GALNTL6: variants seen among roughly 807,000 people sequenced by gnomAD.
GALNTL6 encodes polypeptide N-acetylgalactosaminyltransferase-like 6.
Under a neutral mutation model 73.7 loss-of-function variants are expected in GALNTL6, and 46 were observed. That is an observed-to-expected ratio of 0.62 (90% CI 0.49 to 0.80). GALNTL6 has a LOEUF of 0.80. Among genes scored for constraint, GALNTL6 ranks in the 30% least tolerant of loss-of-function variants. GALNTL6 has a pLI of 0.00. For synonymous variants in GALNTL6, 259 were observed against 263.7 expected (o/e 0.98, Z 0.17); for missense variants, 604 against 755.0 (o/e 0.80, Z 2.34).
chr4:172,010,038 T>C (rs1397053652), intron 2 of GALNTL6, among the ~76,000 whole-genome samples: 1 of 152,144 alleles, frequency 6.6e-6, no homozygotes, highest in East Asian at 1.9e-4. Flanking sequence ...TTTAGGAGAC[T>C]CCGAGGACCA....
chr4:171,824,077 T>TTATATATATATATA (rs3080307), intron 2 of GALNTL6, among the ~76,000 whole-genome samples: 2,600 of 128,672 alleles, frequency 0.02, 68 homozygotes, highest in Non-Finnish European at 0.029. Flanking sequence ...CAAATCCATT[T>TTATATATATATATA]TATATATATA....
At chr4:172,861,386 C>T (rs997281223) in intron 7 of GALNTL6, among the ~76,000 whole-genome samples, 2 of 148,554 alleles carry the variant, frequency 1.3e-5, no homozygotes, top group Non-Finnish European at 3.0e-5. Flanking sequence ...CATTTCAAAG[C>T]ATCTACCCTG....
chr4:172,470,472 T>C (rs1733004660), intron 5 of GALNTL6, among the ~76,000 whole-genome samples: 1 of 152,106 alleles, frequency 6.6e-6, no homozygotes, highest in African/African-American at 2.4e-5. Context: ...ACAATTCTAC[T>C]CAAAAACAAA....
intron 8 of GALNTL6, among the ~76,000 whole-genome samples, chr4:172,896,733 T>C (rs1746352748): frequency 6.6e-6 from 1 of 152,168 alleles, no homozygotes; most frequent in Non-Finnish European, 1.5e-5. Context: ...GGGTCAAAGC[T>C]GATACTAGGC....
Position 172,323,091 on chromosome 4 carries a change from A to G in GALNTL6, c.386+11339A>G, listed in dbSNP as rs116567210. 3.9e-3 allele frequency among the ~76,000 whole-genome samples: 591 copies of G among 152,328 alleles called. 1 individual carries two copies. Among genetic ancestry groups the G allele is most frequent in the African/African-American group, 0.013 (551 of 41,588 alleles). On this transcript the variant is annotated intron_variant, in intron 4 of 12. Coordinates refer to ENST00000506823, the MANE Select transcript of GALNTL6 (RefSeq NM_001034845.3). ...CTGCAGGAACACAACAAATTATTTCATCCTTTAGTAAAGACATAAAATATC... is the reference window on the plus strand; with the variant it reads ...CTGCAGGAACACAACAAATTATTTCGTCCTTTAGTAAAGACATAAAATATC...
intron 5 of GALNTL6, among the ~76,000 whole-genome samples, chr4:172,350,675 G>A (rs1741910647): frequency 6.6e-6 from 1 of 152,002 alleles, no homozygotes; most frequent in African/African-American, 2.4e-5. Context: ...AGTAAATTTT[G>A]AAAGAAATAG....
chr4:172,103,011 G>T (rs761061605), intron 2 of GALNTL6, among the ~76,000 whole-genome samples: 1 of 152,144 alleles, frequency 6.6e-6, no homozygotes, highest in Non-Finnish European at 1.5e-5. Context: ...TCTGGTCAAG[G>T]CCTAAGATAA....
At chr4:172,570,674 G>T (rs1053016381) in intron 5 of GALNTL6, among the ~76,000 whole-genome samples, 1 of 152,176 alleles carries the variant, frequency 6.6e-6, no homozygotes, top group Non-Finnish European at 1.5e-5. Flanking sequence ...TCACAGACCA[G>T]TGGTGGGGGT....
chr4:172,759,933 T>C (rs1737979791), intron 5 of GALNTL6, among the ~76,000 whole-genome samples: 2 of 146,466 alleles, frequency 1.4e-5, no homozygotes, highest in South Asian at 4.5e-4. Flanking sequence ...GCTTCCCGGG[T>C]TCACGCCATT....
chr4:172,041,010 A>C (rs1742074170), intron 2 of GALNTL6, among the ~76,000 whole-genome samples: 2 of 152,094 alleles, frequency 1.3e-5, no homozygotes, highest in Non-Finnish European at 2.9e-5. Context: ...TTTATAAAGA[A>C]CTTAACTAAA....
In GALNTL6 at chr4:171,927,759, T is replaced by A. The variant is rs1254504616; in HGVS notation, c.138+113041T>A. ...TTTGCTTGGAATACCACCCAGCATCTCCAACTGATCCTTTGCTTGTGTATT... is the reference window on the plus strand; with the variant it reads ...TTTGCTTGGAATACCACCCAGCATCACCAACTGATCCTTTGCTTGTGTATT... On this transcript the variant is annotated intron_variant, in intron 2 of 12. Transcript: ENST00000506823. Among the ~76,000 whole-genome samples the A allele has an allele frequency of 1.3e-5, 2 of 152,136 alleles. 1 individual carries two copies.
At chr4:172,892,706 T>C (rs1221441874) in intron 8 of GALNTL6, among the ~76,000 whole-genome samples, 1 of 151,140 alleles carries the variant, frequency 6.6e-6, no homozygotes, top group Non-Finnish European at 1.5e-5. Context: ...TTAAGTGGTC[T>C]GGAGATGGGA....
At chr4:172,789,813 G>C (rs1560954267) in intron 5 of GALNTL6, among the ~76,000 whole-genome samples, 1 of 152,180 alleles carries the variant, frequency 6.6e-6, no homozygotes, top group Non-Finnish European at 1.5e-5. Context: ...CCTTGGGGCA[G>C]GTAAAAAGAG....
At chr4:172,074,475 A>G (rs992438563) in intron 2 of GALNTL6, among the ~76,000 whole-genome samples, 2 of 146,848 alleles carry the variant, frequency 1.4e-5, no homozygotes, top group African/African-American at 5.5e-5. Context: ...TCTATCATCC[A>G]CAATTGCCAT....
At chr4:171,838,948 C>T (rs1485921429) in intron 2 of GALNTL6, among the ~76,000 whole-genome samples, 2 of 152,142 alleles carry the variant, frequency 1.3e-5, no homozygotes, top group Non-Finnish European at 2.9e-5. Flanking sequence ...CGTCTAAAAC[C>T]TTCCTGTGTC....
chr4:173,030,553 A>G (rs1023042443), intron 12 of GALNTL6, among the ~76,000 whole-genome samples: 3 of 152,166 alleles, frequency 2.0e-5, no homozygotes, highest in Non-Finnish European at 2.9e-5. Flanking sequence ...AATCTTGTTA[A>G]TAGGAACTAT....
At chr4:171,814,775 C>T (rs1199539539) in intron 2 of GALNTL6, 57 bp downstream of exon 2, 1 of 1,573,842 alleles carries the variant, frequency 6.4e-7, no homozygotes, top group East Asian at 2.2e-5. Flanking sequence ...GATCCTCGCG[C>T]GGGGACTCGA....
intron 5 of GALNTL6, among the ~76,000 whole-genome samples, chr4:172,360,658 GAA>G (rs142966346): frequency 0.023 from 3,443 of 152,238 alleles, 122 homozygotes; most frequent in African/African-American, 0.077. Flanking sequence ...TGTAGGATGA[GAA>G]AAGAGGGAAA....
At chr4:172,772,511 T>C (rs1382987880) in intron 5 of GALNTL6, among the ~76,000 whole-genome samples, 1 of 152,204 alleles carries the variant, frequency 6.6e-6, no homozygotes, top group African/African-American at 2.4e-5. Flanking sequence ...TTTCCGTGGC[T>C]CAGGAGGCCA....
Sources: allele counts gnomAD v4.1 joint callset (sites outside exome capture counted in the v4.1 genomes callset), GRCh38; gene constraint gnomAD v4.1.1; transcripts MANE v1.5; gene names NCBI Gene and HGNC (gene_info 2026-07-23, HGNC 2026-07-21).